Variants in SNTG1 observed in about 807,000 individuals in gnomAD.
SNTG1 encodes gamma-1-syntrophin.
A neutral mutation model predicts 74.7 loss-of-function variants in SNTG1; 39 were observed. The observed-to-expected ratio is 0.52, with a 90% CI of 0.40 to 0.68. The LOEUF (loss-of-function observed/expected upper bound fraction) is 0.68. Among genes scored for constraint, SNTG1 ranks in the 30% least tolerant of loss-of-function variants. SNTG1 has a pLI of 0.00. For synonymous variants in SNTG1, 254 were observed against 217.1 expected (o/e 1.17, Z -1.49); for missense variants, 685 against 609.5 (o/e 1.12, Z -1.30).
chr8:50,321,591 G>T (rs1375417915), intron 2 of SNTG1, among the ~76,000 whole-genome samples: 2 of 151,774 alleles, frequency 1.3e-5, no homozygotes, highest in African/African-American at 4.8e-5. Flanking sequence ...TTGTTTTGTG[G>T]TCTTCCTTCC....
intron 2 of SNTG1, among the ~76,000 whole-genome samples, chr8:50,186,941 T>C (rs2083405732): frequency 6.6e-6 from 1 of 152,120 alleles, no homozygotes; most frequent in South Asian, 2.1e-4. Context: ...GGCATTTTTG[T>C]CATGAAGTCT....
chr8:50,183,021 T>TACATC (rs1285945877), intron 2 of SNTG1, among the ~76,000 whole-genome samples: 5 of 152,124 alleles, frequency 3.3e-5, no homozygotes, highest in African/African-American at 1.2e-4. Flanking sequence ...AACTTTACAT[T>TACATC]ACATCCTCTC....
intron 2 of SNTG1, among the ~76,000 whole-genome samples, chr8:50,240,546 T>C (rs189440741): frequency 1.3e-5 from 2 of 152,186 alleles, no homozygotes; most frequent in African/African-American, 4.8e-5. Flanking sequence ...CAAGATTTTA[T>C]ATATTATGTA....
At chr8:50,543,154 G>T (rs1170570316) in intron 11 of SNTG1, among the ~76,000 whole-genome samples, 1 of 152,124 alleles carries the variant, frequency 6.6e-6, no homozygotes, top group Non-Finnish European at 1.5e-5. Flanking sequence ...TCTTAGCCCA[G>T]ACTAATGTCC....
chr8:50,748,297 T>C (rs1430366143), intron 17 of SNTG1, among the ~76,000 whole-genome samples: 1 of 152,042 alleles, frequency 6.6e-6, no homozygotes, highest in Non-Finnish European at 1.5e-5. Context: ...TCAGTGTCAG[T>C]GTGAGATAAT....
intron 17 of SNTG1, among the ~76,000 whole-genome samples, chr8:50,751,758 C>A (rs1203852814): frequency 6.6e-6 from 1 of 151,850 alleles, no homozygotes; most frequent in Non-Finnish European, 1.5e-5. Flanking sequence ...ATACTAAGAG[C>A]AATTTATTTT....
chr8:50,247,394 A>G (rs2086448225), intron 2 of SNTG1, among the ~76,000 whole-genome samples: 1 of 152,080 alleles, frequency 6.6e-6, no homozygotes, highest in Admixed American at 6.5e-5. Context: ...GATAGGGGCC[A>G]TTTTCAAGCT....
Position 50,171,220 on chromosome 8 carries a change from C to CAT in SNTG1, c.-102-1330_-102-1329dup, listed in dbSNP as rs906203951. On this transcript the variant is annotated intron_variant, in intron 1 of 18. Coordinates refer to ENST00000642720, the MANE Select transcript of SNTG1 (RefSeq NM_018967.5). ...ACAGGACTAATAGGAAATATACATACATATATATATATTTCCTTTTACATA... is the reference window on the plus strand; with the variant it reads ...ACAGGACTAATAGGAAATATACATACATATATATATATATTTCCTTTTACATA... 1.7e-4 allele frequency among the ~76,000 whole-genome samples: 26 copies of CAT among 151,886 alleles called. 1 individual carries two copies. The South Asian group carries it at 2.9e-3, about 17-fold the overall frequency.
At chr8:50,326,303 C>T (rs76116810) in intron 2 of SNTG1, among the ~76,000 whole-genome samples, 1 of 151,924 alleles carries the variant, frequency 6.6e-6, no homozygotes, top group Non-Finnish European at 1.5e-5. Flanking sequence ...TGGTAGAATT[C>T]ATTTGGTAGA....
chr8:50,160,316 A>T (rs550668776), intron 1 of SNTG1, among the ~76,000 whole-genome samples: 2 of 152,322 alleles, frequency 1.3e-5, no homozygotes, highest in East Asian at 3.9e-4. Flanking sequence ...TGTTAAAGGG[A>T]TGATATAAAC....
intron 13 of SNTG1, among the ~76,000 whole-genome samples, chr8:50,604,393 A>G (rs1056656298): frequency 3.3e-5 from 5 of 151,966 alleles, no homozygotes; most frequent in Admixed American, 6.6e-5. Context: ...TTCAGCCTAG[A>G]TGACAGAGGA....
intron 8 of SNTG1, among the ~76,000 whole-genome samples, chr8:50,470,253 G>C (rs2093641159): frequency 6.6e-6 from 1 of 152,182 alleles, no homozygotes. Flanking sequence ...TTAATCCTAA[G>C]AAATAAGAGT....
chr8:50,162,268 A>G (rs549636731), intron 1 of SNTG1, among the ~76,000 whole-genome samples: 4 of 152,264 alleles, frequency 2.6e-5, no homozygotes, highest in Admixed American at 1.3e-4. Context: ...CCTGCTGGCT[A>G]TAAGAAAGCA....
At chr8:50,678,637 C>CA (rs11376290) in intron 15 of SNTG1, among the ~76,000 whole-genome samples, 50,524 of 151,842 alleles carry the variant, frequency 0.33, 10,858 homozygotes, top group African/African-American at 0.61. Flanking sequence ...AAAATTTTGT[C>CA]CATACATGAT....
chr8:50,284,166 T>G (rs964860388), intron 2 of SNTG1, among the ~76,000 whole-genome samples: 1 of 152,124 alleles, frequency 6.6e-6, no homozygotes, highest in Non-Finnish European at 1.5e-5. Flanking sequence ...TTTTATTGTT[T>G]TATTAGAATT....
rs1032819241 is a variant in SNTG1, at chr8:50,311,726, G to A, written c.-27-82486G>A. Among the ~76,000 whole-genome samples, 12 of 152,164 alleles carry A rather than the reference G, an allele frequency of 7.9e-5. 1 individual carries two copies. Among genetic ancestry groups the A allele is most frequent in the Non-Finnish European group, 1.8e-4 (12 of 68,018 alleles). ...CTCAACAAAGAAAACACTTAAGAATGTAGGTAAGCGTTGGAAAACTCTATA... is the reference window on the plus strand; with the variant it reads ...CTCAACAAAGAAAACACTTAAGAATATAGGTAAGCGTTGGAAAACTCTATA... On this transcript the variant is annotated intron_variant, in intron 2 of 18. Coordinates refer to ENST00000642720, the MANE Select transcript of SNTG1 (RefSeq NM_018967.5).
intron 2 of SNTG1, among the ~76,000 whole-genome samples, chr8:50,276,373 T>TTATATATATATATA (rs6150576): frequency 2.0e-4 from 29 of 143,444 alleles, no homozygotes; most frequent in South Asian, 6.5e-4. Context: ...CAAGTAAATT[T>TTATATATATATATA]TATATATATA....
intron 9 of SNTG1, among the ~76,000 whole-genome samples, chr8:50,504,961 T>C (rs937303529): frequency 6.6e-6 from 1 of 152,140 alleles, no homozygotes. Context: ...TATTGCAAAA[T>C]GGAAATTCTA....
At chr8:49,963,763 T>C (rs1171227474) in intron 1 of SNTG1, among the ~76,000 whole-genome samples, 1 of 152,228 alleles carries the variant, frequency 6.6e-6, no homozygotes, top group Non-Finnish European at 1.5e-5. Context: ...TCCCACTTTA[T>C]TTCAGTGAGT....
Sources: gnomAD v4.1 joint callset for allele counts (sites outside exome capture counted in the v4.1 genomes callset) on GRCh38, gnomAD v4.1.1 for gene constraint, MANE v1.5 for transcripts, NCBI Gene and HGNC (gene_info 2026-07-23, HGNC 2026-07-21) for gene names.